The following GRID2 variants were observed in gnomAD, a reference collection of about 807,000 sequenced individuals.
GRID2 encodes glutamate ionotropic receptor delta type subunit 2, also known as glutamate receptor ionotropic, delta-2.
Under a neutral mutation model 114.8 loss-of-function variants are expected in GRID2, and 33 were observed. That is an observed-to-expected ratio of 0.29 (90% CI 0.22 to 0.38). GRID2 has a LOEUF of 0.38. Ranked by LOEUF, GRID2 falls within the 10% of genes least tolerant of loss-of-function variation. The pLI, the probability that GRID2 is intolerant of heterozygous loss-of-function variation, is 1.00. For synonymous variants in GRID2, 505 were observed against 449.9 expected, an observed-to-expected ratio of 1.12 and a Z score of -1.55; for missense variants, 1,184 against 1,257.7, an observed-to-expected ratio of 0.94 and a Z score of 0.89.
chr4:93,521,947 T>G (rs575540325), intron 13 of GRID2, among the ~76,000 whole-genome samples: 1 of 152,088 alleles, frequency 6.6e-6, no homozygotes, highest in Admixed American at 6.6e-5. Flanking sequence ...TGGAGTAGGA[T>G]GTCAGGTTTG....
chr4:92,876,446 A>G (rs1745636871), intron 2 of GRID2, among the ~76,000 whole-genome samples: 1 of 152,012 alleles, frequency 6.6e-6, no homozygotes, highest in Non-Finnish European at 1.5e-5. Context: ...CTGGGACTAC[A>G]GGTGCCTGCC....
At chr4:92,651,443 T>A (rs1371267127) in intron 2 of GRID2, among the ~76,000 whole-genome samples, 2 of 152,098 alleles carry the variant, frequency 1.3e-5, no homozygotes, top group Non-Finnish European at 2.9e-5. Flanking sequence ...ACCTATTGGA[T>A]GACGATAGGA....
At chr4:92,843,061 A>G (rs1462400564) in intron 2 of GRID2, among the ~76,000 whole-genome samples, 1 of 152,050 alleles carries the variant, frequency 6.6e-6, no homozygotes, top group Non-Finnish European at 1.5e-5. Context: ...CAATATAATA[A>G]GACCCCATAT....
At chr4:92,656,048 C>A (rs940771293) in intron 2 of GRID2, among the ~76,000 whole-genome samples, 6 of 151,502 alleles carry the variant, frequency 4.0e-5, no homozygotes, top group African/African-American at 1.5e-4. Flanking sequence ...CCTTCTATGC[C>A]GAGTTTGTTG....
At chr4:92,395,567 A>G (rs749139772) in intron 1 of GRID2, among the ~76,000 whole-genome samples, 42 of 151,918 alleles carry the variant, frequency 2.8e-4, no homozygotes, top group Non-Finnish European at 4.1e-4. Flanking sequence ...ATTCTAACTT[A>G]AAAATTTCAT....
At chr4:92,628,603 C>T (rs1434096832) in intron 2 of GRID2, among the ~76,000 whole-genome samples, 1 of 152,104 alleles carries the variant, frequency 6.6e-6, no homozygotes, top group Non-Finnish European at 1.5e-5. Flanking sequence ...GGCGATCTGC[C>T]CGCCTCGGCC....
intron 2 of GRID2, among the ~76,000 whole-genome samples, chr4:92,824,616 C>A (rs1402260332): frequency 6.6e-6 from 1 of 152,044 alleles, no homozygotes; most frequent in East Asian, 1.9e-4. Context: ...AATTATCAGA[C>A]CCACCTCAAA....
At chr4:93,670,593 C>G (rs137930218) in intron 14 of GRID2, among the ~76,000 whole-genome samples, 3 of 152,194 alleles carry the variant, frequency 2.0e-5, no homozygotes, top group Non-Finnish European at 2.9e-5. Flanking sequence ...ATGGGCTACA[C>G]TGATACTTTC....
intron 7 of GRID2, among the ~76,000 whole-genome samples, chr4:93,227,577 T>C (rs1049740758): frequency 1.4e-4 from 22 of 152,178 alleles, no homozygotes; most frequent in African/African-American, 5.3e-4. Flanking sequence ...GTTTTTCAGA[T>C]TTTTTGTCTG....
intron 2 of GRID2, among the ~76,000 whole-genome samples, chr4:92,922,340 T>G (rs1749429541): frequency 6.6e-6 from 1 of 152,088 alleles, no homozygotes; most frequent in South Asian, 2.1e-4. Context: ...TTTGGTGCAC[T>G]GCACCCTCTG....
At chr4:93,042,717 A>AT (rs1725715257) in intron 2 of GRID2, among the ~76,000 whole-genome samples, 1 of 145,896 alleles carries the variant, frequency 6.9e-6, no homozygotes. Context: ...ATATATATAG[A>AT]TATATAGAGA....
intron 2 of GRID2, among the ~76,000 whole-genome samples, chr4:92,886,189 G>C (rs780302779): frequency 1.3e-5 from 2 of 152,146 alleles, no homozygotes; most frequent in Non-Finnish European, 2.9e-5. Context: ...GGAGCAGCCA[G>C]AACCAGCACA....
chr4:92,653,762 A>G (rs1732095944), intron 2 of GRID2, among the ~76,000 whole-genome samples: 1 of 152,102 alleles, frequency 6.6e-6, no homozygotes, highest in Non-Finnish European at 1.5e-5. Context: ...CACTAGGGGC[A>G]TAGCTTCCAT....
At chr4:93,573,697 T>G (rs1213215593) in intron 13 of GRID2, among the ~76,000 whole-genome samples, 1 of 152,152 alleles carries the variant, frequency 6.6e-6, no homozygotes, top group Non-Finnish European at 1.5e-5. Context: ...GGTGCTAACA[T>G]TTTAGTATAT....
At position 93,547,057 on chromosome 4, in the gene GRID2, C is replaced by A. The variant is rs1204090094; in HGVS notation, c.2193+31646C>A. ...ACAGGGCTTTGCCATAGCACACAGC[C>A]AGCCTACCTAGCCAAGGCAACCCTG... On this transcript the variant is annotated intron_variant, in intron 13 of 15. Transcript: ENST00000282020. Among the ~76,000 whole-genome samples the A allele has an allele frequency of 2.0e-5, 3 of 152,170 alleles. No homozygotes were observed. In the East Asian group the frequency reaches 5.8e-4, roughly 29 times the overall value.
At chr4:93,601,607 G>A (rs1160607791) in intron 13 of GRID2, among the ~76,000 whole-genome samples, 1 of 152,164 alleles carries the variant, frequency 6.6e-6, no homozygotes, top group East Asian at 1.9e-4. Context: ...AGCCAACCAA[G>A]ACACAGGTTT....
In GRID2 at chr4:92,922,997, C is replaced by T. The variant is rs78242307; in HGVS notation, c.245-161998C>T. Reference sequence around the variant, plus strand: ...CTGTTGTAATTATTTTGTGAAAATACCATTAAACTTTACATATGAATTTTG... The same window carrying T: ...CTGTTGTAATTATTTTGTGAAAATATCATTAAACTTTACATATGAATTTTG... On this transcript the variant is annotated intron_variant, in intron 2 of 15. Transcript: ENST00000282020. Among the ~76,000 whole-genome samples the T allele has an allele frequency of 5.5e-3, 844 of 152,244 alleles. 4 individuals are homozygous for T. The highest frequency in any genetic ancestry group is 8.7e-3 in the Non-Finnish European group (594 of 68,010).
rs112768711 is a variant in GRID2 at position 93,547,548 on chromosome 4, C to A, written c.2193+32137C>A. Reference sequence around the variant, plus strand: ...ACGAATGTAAAACAGTGATAATTTACCCTTTTTTGTGTTTCTCTCTCGGGC... The same window carrying A: ...ACGAATGTAAAACAGTGATAATTTAACCTTTTTTGTGTTTCTCTCTCGGGC... On this transcript the variant is annotated intron_variant, in intron 13 of 15. Coordinates refer to ENST00000282020, the MANE Select transcript of GRID2 (RefSeq NM_001510.4). 1.8e-3 allele frequency among the ~76,000 whole-genome samples: 272 copies of A among 152,250 alleles called. 1 individual carries two copies. Among genetic ancestry groups the A allele is most frequent in the African/African-American group, 6.2e-3 (256 of 41,538 alleles).
intron 15 of GRID2, 23 bp from the exon 16 acceptor site, chr4:93,772,053 A>G: frequency 6.7e-7 from 1 of 1,498,884 alleles, no homozygotes; most frequent in Non-Finnish European, 9.2e-7. Context: ...TGAGAACCTT[A>G]TTTTCTTTTT....
Sources: gnomAD v4.1 joint callset for allele counts (sites outside exome capture counted in the v4.1 genomes callset) on GRCh38, gnomAD v4.1.1 for gene constraint, MANE v1.5 for transcripts, NCBI Gene and HGNC (gene_info 2026-07-23, HGNC 2026-07-21) for gene names.